The following ACOXL variants were observed in gnomAD, a reference collection of about 807,000 sequenced individuals.
ACOXL encodes acyl-CoA oxidase like, also known as acyl-coenzyme A oxidase-like protein.
ACOXL carries 70 observed loss-of-function variants against 71.9 expected under a neutral mutation model. That is an observed-to-expected ratio of 0.97 (90% CI 0.80 to 1.19). The LOEUF is 1.19. ACOXL is among the 50% of genes most tolerant of loss of function. The pLI is 0.00. For synonymous variants in ACOXL, 253 were observed against 281.6 expected (o/e 0.90, Z 1.02); for missense variants, 703 against 736.3 (o/e 0.95, Z 0.52).
At chr2:111,072,733 C>T (rs2067403102) in intron 16 of ACOXL, among the ~76,000 whole-genome samples, 1 of 152,168 alleles carries the variant, frequency 6.6e-6, no homozygotes, top group Non-Finnish European at 1.5e-5. Flanking sequence ...AGAACTCTGC[C>T]AATTGTGGCA....
At chr2:110,756,967 G>A (rs181077048) in intron 1 of ACOXL, among the ~76,000 whole-genome samples, 21 of 152,194 alleles carry the variant, frequency 1.4e-4, no homozygotes, top group East Asian at 7.7e-4. Context: ...AACGTGGGCC[G>A]TGGTGGTTTG....
intron 14 of ACOXL, among the ~76,000 whole-genome samples, chr2:111,026,481 A>G (rs576308516): frequency 1.3e-5 from 2 of 150,236 alleles, no homozygotes; most frequent in Non-Finnish European, 3.0e-5. Flanking sequence ...TAGTTTTCAT[A>G]TATAGATCTT....
intron 10 of ACOXL, among the ~76,000 whole-genome samples, chr2:110,886,066 T>C (rs932803961): frequency 1.3e-5 from 2 of 152,226 alleles, no homozygotes; most frequent in Admixed American, 1.3e-4. Flanking sequence ...ATTTTTGGGA[T>C]TTTTATCTTT....
intron 9 of ACOXL, among the ~76,000 whole-genome samples, chr2:110,829,994 T>C (rs971367726): frequency 1.3e-5 from 2 of 152,200 alleles, no homozygotes; most frequent in Non-Finnish European, 1.5e-5. Context: ...TGTTTTAATA[T>C]GTCCCTGACA....
intron 12 of ACOXL, among the ~76,000 whole-genome samples, chr2:110,984,291 GTATAT>G (rs777290309): frequency 1.4e-4 from 22 of 151,936 alleles, no homozygotes; most frequent in Non-Finnish European, 2.9e-5. Context: ...ATACTACATA[GTATAT>G]TATAATATAT....
intron 10 of ACOXL, among the ~76,000 whole-genome samples, chr2:110,852,103 G>C (rs1011901577): frequency 6.6e-6 from 1 of 152,204 alleles, no homozygotes; most frequent in African/African-American, 2.4e-5. Flanking sequence ...TGTCCAGGCT[G>C]GTGTTTGTGG....
At chr2:110,772,805 C>T (rs1682132037) in intron 2 of ACOXL, among the ~76,000 whole-genome samples, 1 of 152,166 alleles carries the variant, frequency 6.6e-6, no homozygotes. Flanking sequence ...TGTCCAACTA[C>T]CTGCATGTGA....
chr2:111,046,375 C>T (rs1022084912), intron 15 of ACOXL, among the ~76,000 whole-genome samples: 1 of 152,152 alleles, frequency 6.6e-6, no homozygotes, highest in Non-Finnish European at 1.5e-5. Context: ...CCCATGCTGG[C>T]CCTGGAGAAG....
intron 11 of ACOXL, among the ~76,000 whole-genome samples, chr2:110,916,133 AAACTATATGTGTTAAT>A (rs2059850069): frequency 2.0e-5 from 3 of 152,104 alleles, no homozygotes; most frequent in Admixed American, 6.6e-5. Flanking sequence ...ACTAATTTAT[AAACTATATGTGTTAAT>A]AATATTTCCT....
chr2:110,921,443 A>G (rs2060071780), intron 11 of ACOXL, among the ~76,000 whole-genome samples: 1 of 113,102 alleles, frequency 8.8e-6, no homozygotes, highest in African/African-American at 3.4e-5. Flanking sequence ...CCCAGGCTGG[A>G]GTGCAGTGGC....
At chr2:110,960,031 A>T (rs1470097621) in intron 12 of ACOXL, among the ~76,000 whole-genome samples, 2 of 152,182 alleles carry the variant, frequency 1.3e-5, no homozygotes, top group African/African-American at 4.8e-5. Context: ...CTAGAAAGCA[A>T]AGGTGGTGGG....
chr2:110,999,628 G>T (rs1446409442), intron 14 of ACOXL, among the ~76,000 whole-genome samples: 1 of 152,072 alleles, frequency 6.6e-6, no homozygotes, highest in Non-Finnish European at 1.5e-5. Flanking sequence ...ATGGCATGTT[G>T]CTTCCAGATA....
rs2070468869 is a variant in ACOXL at position 111,117,871 on chromosome 2, A to G, written c.*55A>G. 1.3e-6 allele frequency: 2 copies of G among 1,516,542 alleles called. No homozygotes were observed. The highest frequency in any genetic ancestry group is 1.8e-6 in the Non-Finnish European group (2 of 1,132,652). The allele number at this position is 1,516,542 out of a possible 1,614,324, so 93.9% of individuals were successfully genotyped here. On this transcript the variant is annotated 3_prime_UTR_variant, in exon 18 of 18. Coordinates refer to ENST00000439055, the MANE Select transcript of ACOXL (RefSeq NM_001142807.4). ...CAGCAGCTGCCACGACGCTCGCTCCACCGACGCCCAGAGCTGTGGCCGAGG... is the reference window on the plus strand; with the variant it reads ...CAGCAGCTGCCACGACGCTCGCTCCGCCGACGCCCAGAGCTGTGGCCGAGG...
chr2:110,877,766 G>A (rs879704485), intron 10 of ACOXL, among the ~76,000 whole-genome samples: 7 of 152,244 alleles, frequency 4.6e-5, no homozygotes, highest in Admixed American at 6.5e-5. Flanking sequence ...GTCACCTGGA[G>A]GGTGAAGACA....
At chr2:110,971,913 G>A (rs1302437177) in intron 12 of ACOXL, among the ~76,000 whole-genome samples, 1 of 152,126 alleles carries the variant, frequency 6.6e-6, no homozygotes, top group Non-Finnish European at 1.5e-5. Context: ...TTTCTCTCTG[G>A]GAGTATATTT....
intron 1 of ACOXL, among the ~76,000 whole-genome samples, chr2:110,734,232 T>C (rs1030204322): frequency 6.6e-6 from 1 of 152,144 alleles, no homozygotes; most frequent in African/African-American, 2.4e-5. Flanking sequence ...GAAATATCAG[T>C]GGATATAACC....
intron 12 of ACOXL, among the ~76,000 whole-genome samples, chr2:110,969,155 T>C (rs984286924): frequency 6.6e-5 from 10 of 152,066 alleles, no homozygotes; most frequent in Non-Finnish European, 1.5e-4. Flanking sequence ...TCAAAACGTA[T>C]GGGAGGCAGA....
intron 16 of ACOXL, among the ~76,000 whole-genome samples, chr2:111,061,928 A>G (rs1338102897): frequency 1.3e-5 from 2 of 152,072 alleles, no homozygotes; most frequent in African/African-American, 4.8e-5. Flanking sequence ...GAAAAAAAAG[A>G]AATGAGAAAA....
rs200895798 is a variant in ACOXL at position 111,031,588 on chromosome 2, A to G, written c.1282-39A>G. 272 of 1,583,408 alleles carry G rather than the reference A, an allele frequency of 1.7e-4. 1 individual carries two copies. In the African/African-American group the frequency reaches 2.9e-3, roughly 17 times the overall value. ...TGCTATTAAGTTAGACTCTCTCACA[A>G]TATCCTCAATGGTGATTTTTCTTCT... On this transcript the variant is annotated intron_variant, in intron 14 of 17. Coordinates refer to ENST00000439055, the MANE Select transcript of ACOXL (RefSeq NM_001142807.4).
Sources: gnomAD v4.1 joint callset for allele counts (sites outside exome capture counted in the v4.1 genomes callset) on GRCh38, gnomAD v4.1.1 for gene constraint, MANE v1.5 for transcripts, NCBI Gene and HGNC (gene_info 2026-07-23, HGNC 2026-07-21) for gene names.